Variants in DNAJC5 observed in about 807,000 individuals in gnomAD.
DNAJC5 encodes dnaJ homolog subfamily C member 5.
DNAJC5 carries 1 observed loss-of-function variant against 23.2 expected under a neutral mutation model. The observed-to-expected ratio is 0.04, with a 90% confidence interval of 0.02 to 0.20. The LOEUF (loss-of-function observed/expected upper bound fraction) is 0.20, where lower values mean the gene tolerates loss of function less well. Ranked by LOEUF, DNAJC5 falls within the 10% of genes least tolerant of loss-of-function variation. DNAJC5 has a pLI of 1.00. For synonymous variants in DNAJC5, 136 were observed against 120.0 expected, an observed-to-expected ratio of 1.13 and a Z score of -0.87; for missense variants, 180 against 267.0, an observed-to-expected ratio of 0.67 and a Z score of 2.27.
intron 1 of DNAJC5, among the ~76,000 whole-genome samples, chr20:63,913,491 G>T (rs1298101060): frequency 6.6e-6 from 1 of 151,916 alleles, no homozygotes; most frequent in Non-Finnish European, 1.5e-5. Flanking sequence ...CTGCCTCCTG[G>T]GTTCAAGTGA....
Position 63,933,803 on chromosome 20 carries a change from C to T in DNAJC5, c.*2235C>T, listed in dbSNP as rs904336432. On this transcript the variant is annotated 3_prime_UTR_variant, in exon 5 of 5. Coordinates refer to ENST00000360864, the MANE Select transcript of DNAJC5 (RefSeq NM_025219.3). ...GGGGCCCTAGCTCAGCCCCACCAGG[C>T]CCTCTGTTGGGCCTGCACACAGCTC... The T allele has an allele frequency of 1.3e-5, 2 of 152,416 alleles. No homozygotes were observed. The highest frequency in any genetic ancestry group is 1.9e-4 in the East Asian group (1 of 5,332). The allele number at this position is 152,416 out of a possible 1,614,324, so 9.4% of individuals were successfully genotyped here. A position where few individuals can be genotyped will look rare whatever the true frequency, so the allele number is the denominator to read the frequency against.
intron 1 of DNAJC5, among the ~76,000 whole-genome samples, chr20:63,924,163 G>T (rs1052609849): frequency 6.6e-6 from 1 of 150,972 alleles, no homozygotes; most frequent in Non-Finnish European, 1.5e-5. Flanking sequence ...TGGCTAATCT[G>T]TCTGCTACAT....
At chr20:63,895,371 GGGCA>G (rs1164001193) in intron 1 of DNAJC5, 48 bp downstream of exon 1, 1 of 147,028 alleles carries the variant, frequency 6.8e-6, no homozygotes, top group East Asian at 1.9e-4. Context: ...CGTCAGGCCC[GGGCA>G]GGCGGGCGGG....
intron 1 of DNAJC5, among the ~76,000 whole-genome samples, chr20:63,901,594 C>T (rs1300750661): frequency 1.3e-5 from 2 of 152,238 alleles, no homozygotes. Flanking sequence ...AGGCCTCTAC[C>T]CCGGACGAGG....
At position 63,935,829 on chromosome 20, in the gene DNAJC5, C is replaced by T. The variant is rs1334846865; in HGVS notation, c.*4261C>T. 2.0e-5 allele frequency: 3 copies of T among 152,242 alleles called. No homozygotes were observed. The East Asian group carries it at 5.8e-4, about 29-fold the overall frequency. 9.4% of individuals were successfully genotyped at this position (152,242 alleles called of 1,614,324 possible). A position where few individuals can be genotyped will look rare whatever the true frequency, so the allele number is the denominator to read the frequency against. ...ATGCACACGCATGGAAGCTGCTTGT[C>T]CATGCACTGGTTTTGTCACTGGCGT... On this transcript the variant is annotated 3_prime_UTR_variant, in exon 5 of 5. Transcript: ENST00000360864.
At chr20:63,912,282 G>A (rs1409427640) in intron 1 of DNAJC5, among the ~76,000 whole-genome samples, 3 of 148,466 alleles carry the variant, frequency 2.0e-5, no homozygotes, top group Non-Finnish European at 3.0e-5. Flanking sequence ...CAGCGTGGGC[G>A]ACAGAGTGAG....
chr20:63,903,897 G>T (rs957074397), intron 1 of DNAJC5, among the ~76,000 whole-genome samples: 1 of 152,226 alleles, frequency 6.6e-6, no homozygotes, highest in Admixed American at 6.5e-5. Flanking sequence ...ACCAGCCTGG[G>T]TAACATGAGG....
At chr20:63,915,744 A>G (rs2427547) in intron 1 of DNAJC5, among the ~76,000 whole-genome samples, 70,874 of 152,108 alleles carry the variant, frequency 0.47, 19,603 homozygotes, top group East Asian at 0.94. Flanking sequence ...GAGCCTGCCC[A>G]TTCTTGGGCA....
chr20:63,915,143 G>A lies in DNAJC5; in HGVS notation c.-11-13192G>A, dbSNP rs146893858. Among the ~76,000 whole-genome samples the A allele has an allele frequency of 1.5e-3, 228 of 152,240 alleles. 2 individuals are homozygous for A. In the East Asian group the frequency reaches 0.042, roughly 28 times the overall value. Reference sequence around the variant, plus strand: ...GTGGGCCTCAGGCAGATAGGAGCTGGTCCGTATCTCTTGCCAAGCCCAGGC... The same window carrying A: ...GTGGGCCTCAGGCAGATAGGAGCTGATCCGTATCTCTTGCCAAGCCCAGGC... On this transcript the variant is annotated intron_variant, in intron 1 of 4. Coordinates refer to ENST00000360864, the MANE Select transcript of DNAJC5 (RefSeq NM_025219.3).
intron 1 of DNAJC5, among the ~76,000 whole-genome samples, chr20:63,903,203 T>A (rs1401877029): frequency 1.3e-5 from 2 of 152,194 alleles, no homozygotes; most frequent in Non-Finnish European, 2.9e-5. Flanking sequence ...CTGGGCTCGA[T>A]CCTCCTGCCT....
intron 1 of DNAJC5, chr20:63,909,215 A>AG (rs1342156134): frequency 6.6e-6 from 1 of 151,886 alleles, no homozygotes; most frequent in African/African-American, 2.4e-5. Flanking sequence ...GGATCACCTG[A>AG]GGTCAGGAGT....
chr20:63,907,065 G>A (rs978298278), intron 1 of DNAJC5, among the ~76,000 whole-genome samples: 9 of 152,052 alleles, frequency 5.9e-5, no homozygotes, highest in Non-Finnish European at 1.2e-4. Context: ...CTCCTACCTG[G>A]GTGATATAGT....
At chr20:63,898,077 A>T (rs2053386223) in intron 1 of DNAJC5, among the ~76,000 whole-genome samples, 1 of 152,172 alleles carries the variant, frequency 6.6e-6, no homozygotes. Context: ...CCCTGTTAAC[A>T]ATCGTCAGAG....
chr20:63,925,302 G>A, intron 1 of DNAJC5, among the ~76,000 whole-genome samples: 1 of 152,074 alleles, frequency 6.6e-6, no homozygotes, highest in Admixed American at 6.5e-5. Context: ...TGGTCAATGT[G>A]GTGAAACCCC....
chr20:63,930,137 C>T (rs2053654863), intron 3 of DNAJC5, among the ~76,000 whole-genome samples: 1 of 152,214 alleles, frequency 6.6e-6, no homozygotes, highest in Non-Finnish European at 1.5e-5. Context: ...CTGTATTTGG[C>T]TTTGACTGGT....
In DNAJC5 at chr20:63,920,476, G is replaced by A. The variant is rs951468411; in HGVS notation, c.-11-7859G>A. Among the ~76,000 whole-genome samples, 3 of 152,186 alleles carry A rather than the reference G, an allele frequency of 2.0e-5. No individual in the cohort carries two copies. The highest frequency in any genetic ancestry group is 7.2e-5 in the African/African-American group (3 of 41,450). On this transcript the variant is annotated intron_variant, in intron 1 of 4. Transcript: ENST00000360864. The surrounding 1 kb of genome is among the most constrained non-coding windows in gnomAD (Gnocchi z 4.6). Reference sequence around the variant, plus strand: ...CTACAGCCAGGGCTGTGAAGGAGCCGAGGTCATAGAGTGGCTGCCCTGGCG... The same window carrying A: ...CTACAGCCAGGGCTGTGAAGGAGCCAAGGTCATAGAGTGGCTGCCCTGGCG...
At chr20:63,905,595 C>T (rs2053443673) in intron 1 of DNAJC5, among the ~76,000 whole-genome samples, 1 of 148,052 alleles carries the variant, frequency 6.8e-6, no homozygotes, top group Non-Finnish European at 1.5e-5. Flanking sequence ...TTCACGGAGT[C>T]TGGCTCTTGT....
At position 63,929,344 on chromosome 20, in the gene DNAJC5, A is replaced by G. The variant is rs1245944994; in HGVS notation, c.140A>G (p.Asn47Ser). 1.2e-6 allele frequency: 2 copies of G among 1,613,790 alleles called. No homozygotes were observed. The highest frequency in any genetic ancestry group is 2.2e-5 in the South Asian group (2 of 91,060). The change falls in exon 3 of 5, where the codon AAC (asparagine) becomes AGC (serine). Residue 47 changes from asparagine (N) to serine (S), a missense_variant. Transcript: ENST00000360864. This position sits in a 1 kb window ranked among gnomAD's most constrained non-coding sequence, Gnocchi z 8.6. ...GCCTTGAAATATCACCCCGACAAGAACCCCGACAACCCGGAGGCCGCGGAC... is the reference window on the plus strand; with the variant it reads ...GCCTTGAAATATCACCCCGACAAGAGCCCCGACAACCCGGAGGCCGCGGAC... ...KLALKYHPDK[N>S]PDNPEAADKF...
chr20:63,935,074 TA>T lies in DNAJC5; in HGVS notation c.*3507del, dbSNP rs2053706861. Reference sequence around the variant, plus strand: ...TGGCGCAGGACTGGCCTGTGTCTGTTATTTTGGTTGTAAATCATTCTCCTGT... The same window carrying T: ...TGGCGCAGGACTGGCCTGTGTCTGTTTTTTGGTTGTAAATCATTCTCCTGT... On this transcript the variant is annotated 3_prime_UTR_variant, in exon 5 of 5. Transcript: ENST00000360864. 6.6e-6 allele frequency: 1 copy of T among 152,282 alleles called. No individual in the cohort carries two copies. The highest frequency in any genetic ancestry group is 1.5e-5 in the Non-Finnish European group (1 of 68,068). The allele number at this position is 152,282 out of a possible 1,614,324, so 9.4% of individuals were successfully genotyped here.
Sources: allele counts gnomAD v4.1 joint callset (sites outside exome capture counted in the v4.1 genomes callset), GRCh38; gene constraint gnomAD v4.1.1; non-coding constraint Gnocchi (gnomAD v3.1); transcripts MANE v1.5; gene names NCBI Gene and HGNC (gene_info 2026-07-23, HGNC 2026-07-21).